The following KSR2 variants were observed in gnomAD, a reference collection of about 807,000 sequenced individuals.
KSR2 encodes the protein kinase suppressor of ras 2.
In KSR2, 25 loss-of-function variants were observed where a neutral mutation model predicts 107.8. The ratio of observed to expected loss-of-function variants is 0.23; its 90% CI spans 0.17 to 0.32. KSR2 has a LOEUF of 0.32. KSR2 is among the 10% of genes least tolerant of loss of function. The pLI is 1.00. For synonymous variants in KSR2, 480 were observed against 507.0 expected, an observed-to-expected ratio of 0.95 and a Z score of 0.71; for missense variants, 887 against 1,268.9, an observed-to-expected ratio of 0.70 and a Z score of 4.57.
intron 5 of KSR2, among the ~76,000 whole-genome samples, chr12:117,601,295 T>G (rs1200160667): frequency 4.5e-5 from 6 of 134,354 alleles, no homozygotes; most frequent in Non-Finnish European, 6.3e-5. Flanking sequence ...TCCAAGATCT[T>G]GGGGGGGGGG....
chr12:117,845,440 G>A (rs562032080), intron 3 of KSR2, among the ~76,000 whole-genome samples: 1 of 152,276 alleles, frequency 6.6e-6, no homozygotes, highest in South Asian at 2.1e-4. Flanking sequence ...TCAAGTCTCA[G>A]CTTAAATGTC....
chr12:117,563,048 T>C (rs942480449), intron 7 of KSR2, among the ~76,000 whole-genome samples: 2 of 152,168 alleles, frequency 1.3e-5, no homozygotes, highest in Non-Finnish European at 2.9e-5. Context: ...AAGCACACTA[T>C]GTCCCTCTTA....
intron 3 of KSR2, among the ~76,000 whole-genome samples, chr12:117,769,900 A>G (rs1889374918): frequency 6.6e-6 from 1 of 152,090 alleles, no homozygotes; most frequent in Non-Finnish European, 1.5e-5. Context: ...CTAAAAATAC[A>G]AAAATTAGCC....
At chr12:117,717,710 T>TGCGCGCGC (rs1437214692) in intron 4 of KSR2, among the ~76,000 whole-genome samples, 1 of 129,876 alleles carries the variant, frequency 7.7e-6, no homozygotes, top group African/African-American at 3.2e-5. Flanking sequence ...TGTGTGTGTG[T>TGCGCGCGC]GTGCATGCGC....
Position 117,484,466 on chromosome 12 carries a change from G to C in KSR2, c.2400C>G (p.Val800=), listed in dbSNP as rs774618259. 6.2e-7 allele frequency: 1 copy of C among 1,613,950 alleles called. No homozygotes were observed. The highest frequency in any genetic ancestry group is 8.5e-7 in the Non-Finnish European group (1 of 1,179,850). Residue 800 remains valine, a synonymous_variant, in exon 16 of 20, where the codon GTC becomes GTG. Coordinates refer to ENST00000339824, the MANE Select transcript of KSR2 (RefSeq NM_173598.6). The stretch of plus-strand genomic sequence containing the variant: ...TGCTGAAGAGTCCAAAGTCCGTGAT[G>C]ACCACTTTGCCGTTGTCATAGAAGA... ...KNVFYDNGKV[V]ITDFGLFSIS...
intron 5 of KSR2, among the ~76,000 whole-genome samples, chr12:117,604,212 C>T (rs1881105807): frequency 6.6e-6 from 1 of 152,118 alleles, no homozygotes; most frequent in African/African-American, 2.4e-5. Context: ...TATATTCGGC[C>T]ACCCCACTCA....
intron 16 of KSR2, among the ~76,000 whole-genome samples, chr12:117,477,009 A>T (rs756541099): frequency 6.6e-6 from 1 of 152,226 alleles, no homozygotes; most frequent in Non-Finnish European, 1.5e-5. Flanking sequence ...AAAACAACTT[A>T]TCTAACAGAT....
At chr12:117,606,003 A>C (rs1478870481) in intron 5 of KSR2, among the ~76,000 whole-genome samples, 1 of 152,130 alleles carries the variant, frequency 6.6e-6, no homozygotes, top group Non-Finnish European at 1.5e-5. Flanking sequence ...CAGAGAGAGG[A>C]AGATTCACCC....
At chr12:117,838,388 C>T (rs1457973798) in intron 3 of KSR2, among the ~76,000 whole-genome samples, 6 of 152,140 alleles carry the variant, frequency 3.9e-5, no homozygotes, top group Non-Finnish European at 7.4e-5. Context: ...AGACTGGTCT[C>T]GAACTCCTGA....
At position 117,525,186 on chromosome 12, in the gene KSR2, C is replaced by T; in HGVS notation, c.1885G>A (p.Glu629Lys). Residue 629 changes from glutamate (E) to lysine (K), a missense_variant, in exon 14 of 20, where the codon GAG (glutamate) becomes AAG (lysine). Physicochemically the swap from Glu to Lys is moderately conservative, Grantham distance 56. Around this residue, in one of 8 missense-constraint regions of KSR2, gnomAD observed 308 missense variants for 506.2 expected, o/e 0.61. Coordinates refer to ENST00000339824, the MANE Select transcript of KSR2 (RefSeq NM_173598.6). Reference sequence around the variant, plus strand: ...AGGTTCATCTCCTCGAAGTCATCCTCTGACTCTTCGGCCTCATCATGGACC... The same window carrying T: ...AGGTTCATCTCCTCGAAGTCATCCTTTGACTCTTCGGCCTCATCATGGACC... ...EEVHDEAEES[E>K]DDFEEMNLSL... is the part of the protein sequence containing the mutation. 6.2e-7 allele frequency: 1 copy of T among 1,612,018 alleles called. No individual in the cohort carries two copies. Among genetic ancestry groups the T allele is most frequent in the South Asian group, 1.1e-5 (1 of 90,888 alleles).
At chr12:117,742,804 AAAG>A (rs1219623962) in intron 4 of KSR2, among the ~76,000 whole-genome samples, 2 of 152,224 alleles carry the variant, frequency 1.3e-5, no homozygotes, top group African/African-American at 2.4e-5. Flanking sequence ...AGGAGCAGAA[AAAG>A]AAGACTTGTC....
chr12:117,841,269 G>T (rs941469496), intron 3 of KSR2, among the ~76,000 whole-genome samples: 1 of 152,108 alleles, frequency 6.6e-6, no homozygotes, highest in Non-Finnish European at 1.5e-5. Context: ...CATCCTCCTT[G>T]CCCTTTCTGC....
At chr12:117,798,735 A>ATATC (rs10667993) in intron 3 of KSR2, among the ~76,000 whole-genome samples, 4,918 of 142,448 alleles carry the variant, frequency 0.035, 325 homozygotes, top group African/African-American at 0.12. Context: ...ATATATATAT[A>ATATC]TCAACCCAAA....
chr12:117,810,690 A>T (rs1297851245), intron 3 of KSR2, among the ~76,000 whole-genome samples: 1 of 152,224 alleles, frequency 6.6e-6, no homozygotes, highest in Non-Finnish European at 1.5e-5. Flanking sequence ...ATTCCAAGCT[A>T]ATATGCAGAA....
At chr12:117,633,636 T>C (rs1009959393) in intron 5 of KSR2, among the ~76,000 whole-genome samples, 1 of 152,182 alleles carries the variant, frequency 6.6e-6, no homozygotes, top group Non-Finnish European at 1.5e-5. Context: ...ATAACTCCAA[T>C]CTCTGCCTCT....
chr12:117,822,330 C>T (rs1052938724), intron 3 of KSR2, among the ~76,000 whole-genome samples: 25 of 152,130 alleles, frequency 1.6e-4, no homozygotes, highest in African/African-American at 5.6e-4. Flanking sequence ...CTTTCTTGCA[C>T]GAGATGCGTG....
At chr12:117,562,568 T>C (rs866696634) in intron 7 of KSR2, among the ~76,000 whole-genome samples, 13 of 152,164 alleles carry the variant, frequency 8.5e-5, no homozygotes, top group Admixed American at 2.0e-4. Context: ...AGAAGCCCTG[T>C]TGGTATCTCG....
chr12:117,801,351 A>G (rs1364570363), intron 3 of KSR2, among the ~76,000 whole-genome samples: 1 of 151,724 alleles, frequency 6.6e-6, no homozygotes. Context: ...CTGATCTCAA[A>G]CTGTTGGCCT....
chr12:117,873,670 A>T (rs1006648377), intron 1 of KSR2, among the ~76,000 whole-genome samples: 1 of 152,128 alleles, frequency 6.6e-6, no homozygotes, highest in Non-Finnish European at 1.5e-5. Context: ...CATGTTGGCC[A>T]GACTGGTCTC....
Sources: gnomAD v4.1 joint callset for allele counts (sites outside exome capture counted in the v4.1 genomes callset) on GRCh38, gnomAD v4.1.1 for gene constraint, gnomAD v4.1.1 regional missense constraint, MANE v1.5 for transcripts, NCBI Gene and HGNC (gene_info 2026-07-23, HGNC 2026-07-21) for gene names.